Variants in CLIP2 observed in about 807,000 individuals in gnomAD.
The protein encoded by CLIP2 is CAP-Gly domain containing linker protein 2, also known as CAP-Gly domain-containing linker protein 2.
In CLIP2, 41 loss-of-function variants were observed where a neutral mutation model predicts 111.7. That is an observed-to-expected ratio of 0.37 (90% CI 0.29 to 0.48). The LOEUF is 0.48. Among genes scored for constraint, CLIP2 ranks in the 20% least tolerant of loss-of-function variants. The pLI is 0.99. For synonymous variants in CLIP2, 660 were observed against 644.2 expected (o/e 1.02, Z -0.37); for missense variants, 1,160 against 1,422.1 (o/e 0.82, Z 2.96).
chr7:74,396,971 C>G (rs1166443098), intron 13 of CLIP2, 103 bp from the exon 14 acceptor site: 2 of 1,426,380 alleles, frequency 1.4e-6, no homozygotes, highest in Admixed American at 2.0e-5. Flanking sequence ...GCCCATGTCC[C>G]CCACCAGTTG....
At chr7:74,387,546 C>A (rs1027355801) in intron 12 of CLIP2, among the ~76,000 whole-genome samples, 1 of 152,194 alleles carries the variant, frequency 6.6e-6, no homozygotes, top group South Asian at 2.1e-4. Flanking sequence ...CCACCACGCC[C>A]GGCCCCTGGC....
At chr7:74,361,703 A>T (rs1790335422) in intron 7 of CLIP2, among the ~76,000 whole-genome samples, 1 of 152,026 alleles carries the variant, frequency 6.6e-6, no homozygotes, top group South Asian at 2.1e-4. Context: ...ATCCATTCTC[A>T]TTTTACACAT....
At chr7:74,358,400 C>T (rs1790212867) in intron 6 of CLIP2, among the ~76,000 whole-genome samples, 2 of 151,628 alleles carry the variant, frequency 1.3e-5, no homozygotes, top group Non-Finnish European at 1.5e-5. Flanking sequence ...TGGGGTCATG[C>T]TGTGTTGGTC....
At chr7:74,371,406 G>A (rs1199765796) in intron 8 of CLIP2, among the ~76,000 whole-genome samples, 1 of 151,924 alleles carries the variant, frequency 6.6e-6, no homozygotes, top group Non-Finnish European at 1.5e-5. Flanking sequence ...TCCAGACAGG[G>A]CTGTTGTGCC....
At chr7:74,383,208 TAAG>T (rs1479964183) in intron 11 of CLIP2, among the ~76,000 whole-genome samples, 1 of 152,170 alleles carries the variant, frequency 6.6e-6, no homozygotes, top group Non-Finnish European at 1.5e-5. Context: ...CATCCTTATA[TAAG>T]TGTGAGATAA....
At chr7:74,368,746 T>C (rs1790525716) in intron 8 of CLIP2, among the ~76,000 whole-genome samples, 1 of 152,102 alleles carries the variant, frequency 6.6e-6, no homozygotes, top group Non-Finnish European at 1.5e-5. Context: ...TTTTCATTTT[T>C]AATGTTGGAA....
At chr7:74,396,260 G>C (rs1336066023) in intron 13 of CLIP2, among the ~76,000 whole-genome samples, 1 of 152,116 alleles carries the variant, frequency 6.6e-6, no homozygotes, top group Non-Finnish European at 1.5e-5. Context: ...TTTGACATCA[G>C]GTATTTAAAA....
intron 8 of CLIP2, among the ~76,000 whole-genome samples, chr7:74,368,317 A>C (rs1397575286): frequency 6.6e-6 from 1 of 152,082 alleles, no homozygotes; most frequent in Non-Finnish European, 1.5e-5. Flanking sequence ...GGACTTTGAG[A>C]CCAGCCTGAC....
At chr7:74,362,085 G>A (rs1790343974) in intron 7 of CLIP2, among the ~76,000 whole-genome samples, 1 of 151,190 alleles carries the variant, frequency 6.6e-6, no homozygotes, top group Non-Finnish European at 1.5e-5. Flanking sequence ...GGGTAACAGA[G>A]CGAGGCTCCG....
chr7:74,300,826 C>T (rs888481822), intron 1 of CLIP2, among the ~76,000 whole-genome samples: 1 of 152,142 alleles, frequency 6.6e-6, no homozygotes, highest in Non-Finnish European at 1.5e-5. Flanking sequence ...TTATCCAGTC[C>T]TCCCTTGACG....
intron 1 of CLIP2, among the ~76,000 whole-genome samples, chr7:74,316,085 A>G (rs1554729115): frequency 1.6e-5 from 2 of 122,060 alleles, no homozygotes; most frequent in African/African-American, 6.4e-5. Flanking sequence ...CCCTGTGTCC[A>G]TGTGTTCTCA....
chr7:74,318,008 G>A (rs1454003359), intron 2 of CLIP2, among the ~76,000 whole-genome samples: 2 of 152,068 alleles, frequency 1.3e-5, no homozygotes, highest in Non-Finnish European at 1.5e-5. Flanking sequence ...AACCAGCCTG[G>A]CCAACTTGGT....
At chr7:74,369,205 G>T (rs1187539276) in intron 8 of CLIP2, among the ~76,000 whole-genome samples, 1 of 152,082 alleles carries the variant, frequency 6.6e-6, no homozygotes, top group Non-Finnish European at 1.5e-5. Context: ...ACAAAAATTA[G>T]CTGGGCATGG....
At chr7:74,292,777 A>T (rs1422940384) in intron 1 of CLIP2, among the ~76,000 whole-genome samples, 2 of 152,208 alleles carry the variant, frequency 1.3e-5, no homozygotes, top group African/African-American at 4.8e-5. Flanking sequence ...CCTGGCACAA[A>T]GAGGTGGCTG....
rs1789540521 is a variant in CLIP2 at position 74,338,385 on chromosome 7, TGGGGCCACCCA to T, written c.122-55_122-45del. 1.3e-6 allele frequency: 2 copies of T among 1,555,704 alleles called. No individual in the cohort carries two copies. The highest frequency in any genetic ancestry group is 1.7e-6 in the Non-Finnish European group (2 of 1,151,276). On this transcript the variant is annotated intron_variant, in intron 2 of 16. Transcript: ENST00000223398. This position sits in a 1 kb window ranked among gnomAD's most constrained non-coding sequence, Gnocchi z 4.3. ...CTCCCAACCCTAGACTCTGTGCTCCTGGGGCCACCCAGGGGCCAGCCCTAACAGCCACCTCT... is the reference window on the plus strand; with the variant it reads ...CTCCCAACCCTAGACTCTGTGCTCCTGGGGCCAGCCCTAACAGCCACCTCT...
chr7:74,383,058 C>T (rs1320587489), intron 11 of CLIP2, among the ~76,000 whole-genome samples: 3 of 118,228 alleles, frequency 2.5e-5, no homozygotes, highest in Non-Finnish European at 5.0e-5. Context: ...CCAGCCTGAG[C>T]AATAGAGTGA....
rs547350133 is a variant in CLIP2, at chr7:74,390,062, G to A, written c.2720+803G>A. On this transcript the variant is annotated intron_variant, in intron 13 of 16. Transcript: ENST00000223398. ...TATGGCATACCACTGCACTCCAGCC[G>A]GGGCAATAGAGCAAAACCCTGTCTC... Among the ~76,000 whole-genome samples the A allele has an allele frequency of 7.6e-5, 11 of 144,798 alleles. No homozygotes were observed. The East Asian group carries it at 2.0e-3, about 27-fold the overall frequency. The allele number at this position is 144,798 out of a possible 152,430, so 95.0% of individuals were successfully genotyped here.
chr7:74,405,391 G>A lies in CLIP2; in HGVS notation c.*1543G>A, dbSNP rs1210150059. On this transcript the variant is annotated 3_prime_UTR_variant, in exon 17 of 17. Transcript: ENST00000223398. ...GGCTTTCCCGTAACGCACAGGACAC[G>A]TGTGCAATTCATAGGAACGGCCCAG... The A allele has an allele frequency of 1.3e-5, 2 of 152,308 alleles. No individual in the cohort carries two copies. The highest frequency in any genetic ancestry group is 2.9e-5 in the Non-Finnish European group (2 of 68,064). The allele number at this position is 152,308 out of a possible 1,614,324, so 9.4% of individuals were successfully genotyped here.
intron 8 of CLIP2, 57 bp from the exon 9 acceptor site, chr7:74,372,875 C>T (rs1790669104): frequency 4.0e-6 from 2 of 506,320 alleles, no homozygotes; most frequent in Admixed American, 2.9e-5. Context: ...TTCCCTGTGC[C>T]CCCCTCCCTG....
Sources: gnomAD v4.1 joint callset for allele counts (sites outside exome capture counted in the v4.1 genomes callset) on GRCh38, gnomAD v4.1.1 for gene constraint, Gnocchi (gnomAD v3.1) non-coding constraint, MANE v1.5 for transcripts, NCBI Gene and HGNC (gene_info 2026-07-23, HGNC 2026-07-21) for gene names.